Variants in AMD1 observed in about 807,000 individuals in gnomAD.
The protein encoded by AMD1 is S-adenosylmethionine decarboxylase proenzyme.
AMD1 carries 11 observed loss-of-function variants against 40.2 expected under a neutral mutation model. That is an observed-to-expected ratio of 0.27 (90% CI 0.17 to 0.45). AMD1 has a LOEUF of 0.45. Among genes scored for constraint, AMD1 ranks in the 20% least tolerant of loss-of-function variants. The probability of loss-of-function intolerance (pLI) is 1.00; values close to 1 mark genes in which losing one functional copy is unlikely to be tolerated. For synonymous variants in AMD1, 121 were observed against 130.8 expected, an observed-to-expected ratio of 0.93 and a Z score of 0.51; for missense variants, 257 against 410.2, an observed-to-expected ratio of 0.63 and a Z score of 3.23.
chr6:110,844,067 C>A, the AMD1 span, among the ~76,000 whole-genome samples: 1 of 151,998 alleles, frequency 6.6e-6, no homozygotes, highest in African/African-American at 2.4e-5. Context: ...TTTAAGGATT[C>A]ATTATCCTGC....
chr6:110,863,004 G>A, the AMD1 span, among the ~76,000 whole-genome samples: 1 of 151,776 alleles, frequency 6.6e-6, no homozygotes, highest in South Asian at 2.1e-4. Flanking sequence ...GAGTGCAGTG[G>A]CGTGATCTCG....
chr6:110,860,897 T>C, the AMD1 span, among the ~76,000 whole-genome samples: 1 of 150,870 alleles, frequency 6.6e-6, no homozygotes, highest in South Asian at 2.1e-4. Flanking sequence ...CACATTTTAC[T>C]TCTGATTTTT....
At chr6:110,858,471 C>T in the AMD1 span, 3 of 1,234,614 alleles carry the variant, frequency 2.4e-6, no homozygotes, top group Non-Finnish European at 3.6e-6. Flanking sequence ...ATCAACCGTT[C>T]CATGCAGAAC....
intron 3 of AMD1, chr6:110,890,013 A>AAGAG (rs143903348): frequency 5.3e-6 from 2 of 375,760 alleles, no homozygotes; most frequent in Admixed American, 4.5e-5. Flanking sequence ...TTTTAAAAAA[A>AAGAG]AGAGAGAGAG....
chr6:110,888,901 CAT>C lies in AMD1; in HGVS notation c.243_244del (p.Cys82TrpfsTer17), dbSNP rs1284211633. On this transcript the variant is annotated frameshift_variant, in exon 3 of 9. Coordinates refer to ENST00000368885, the MANE Select transcript of AMD1 (RefSeq NM_001634.6). LOFTEE classifies it high-confidence loss of function. Reference sequence around the variant, plus strand: ...TCCAAGAGACGTTTCATTTTGAAGACATGTGGTACCACCCTCTTGCTGAAAGC... The same window carrying C: ...TCCAAGAGACGTTTCATTTTGAAGACGTGGTACCACCCTCTTGCTGAAAGC... 1.9e-6 allele frequency: 3 copies of C among 1,613,220 alleles called. No individual in the cohort carries two copies. The highest frequency in any genetic ancestry group is 1.7e-5 in the Admixed American group (1 of 59,990).
At chr6:110,893,419 G>A in intron 8 of AMD1, 57 bp from the exon 9 acceptor site, 2 of 1,597,286 alleles carry the variant, frequency 1.3e-6, no homozygotes, top group Non-Finnish European at 8.5e-7. Context: ...AACTGTTTTG[G>A]TTGAAAATAC....
the AMD1 span, among the ~76,000 whole-genome samples, chr6:110,865,845 C>T: frequency 2.0e-5 from 3 of 152,190 alleles, no homozygotes; most frequent in East Asian, 1.9e-4. Context: ...TCACTGCAAC[C>T]TCTACCTCCT....
intron 1 of AMD1, among the ~76,000 whole-genome samples, chr6:110,886,335 A>G (rs892288877): frequency 1.6e-4 from 25 of 152,050 alleles, no homozygotes; most frequent in East Asian, 7.7e-4. Context: ...GTATTACTCT[A>G]TCGCCCAGCC....
the AMD1 span, among the ~76,000 whole-genome samples, chr6:110,852,466 C>T: frequency 6.6e-6 from 1 of 151,930 alleles, no homozygotes; most frequent in South Asian, 2.1e-4. Context: ...AGGATCCACC[C>T]ATCTCAGCCT....
At chr6:110,818,111 AG>A in the AMD1 span, among the ~76,000 whole-genome samples, 96 of 152,340 alleles carry the variant, frequency 6.3e-4, no homozygotes, top group African/African-American at 2.0e-3. Flanking sequence ...TATTTATGTC[AG>A]GGAGAGGTTT....
chr6:110,893,337 C>A (rs1326640905), intron 8 of AMD1, 139 bp from the exon 9 acceptor site: 2 of 1,207,426 alleles, frequency 1.7e-6, no homozygotes, highest in African/African-American at 3.1e-5. Flanking sequence ...TGCCCTGGCC[C>A]CTCCAGCACA....
chr6:110,832,468 T>C, the AMD1 span, among the ~76,000 whole-genome samples: 50 of 152,222 alleles, frequency 3.3e-4, no homozygotes, highest in Admixed American at 1.0e-3. Context: ...AATTCTTCAA[T>C]TGATGTCCCA....
At chr6:110,877,493 A>G (rs1032530156) in intron 1 of AMD1, among the ~76,000 whole-genome samples, 17 of 152,288 alleles carry the variant, frequency 1.1e-4, no homozygotes, top group Non-Finnish European at 2.4e-4. Flanking sequence ...ACCCCAGGGA[A>G]GGATAATCGG....
At chr6:110,845,036 AC>A in the AMD1 span, among the ~76,000 whole-genome samples, 1 of 133,036 alleles carries the variant, frequency 7.5e-6, no homozygotes, top group Non-Finnish European at 1.6e-5. Flanking sequence ...GGTGCCACAG[AC>A]CTTTTTTTTT....
chr6:110,838,397 C>A, the AMD1 span, among the ~76,000 whole-genome samples: 9 of 151,684 alleles, frequency 5.9e-5, no homozygotes, highest in South Asian at 2.1e-4. Flanking sequence ...AAAAAAAAAA[C>A]CAAAAGTTTT....
chr6:110,883,585 C>T (rs1320658831), intron 1 of AMD1, among the ~76,000 whole-genome samples: 1 of 152,082 alleles, frequency 6.6e-6, no homozygotes, highest in African/African-American at 2.4e-5. Context: ...AGAAGGGAAT[C>T]ATTTTTTGTT....
chr6:110,874,930 A>T lies in AMD1; in HGVS notation c.-176A>T. ...CTTTCGCTCACACAAAGCCGGGAAA[A>T]TTTTATTAGTCCTTTTTTTAAAAAA... On this transcript the variant is annotated 5_prime_UTR_variant, in exon 1 of 9. Transcript: ENST00000368885. 1 of 579,664 alleles carries T rather than the reference A, an allele frequency of 1.7e-6. No homozygotes were observed. Among genetic ancestry groups the T allele is most frequent in the East Asian group, 2.9e-5 (1 of 34,652 alleles). The allele number at this position is 579,664 out of a possible 1,614,324, so 35.9% of individuals were successfully genotyped here.
intron 4 of AMD1, chr6:110,890,685 T>TAGTAAAGACAAG (rs1476995428): frequency 5.9e-6 from 1 of 169,244 alleles, no homozygotes; most frequent in Non-Finnish European, 1.3e-5. Context: ...GACAAGGTTT[T>TAGTAAAGACAAG]GCCATATTGC....
chr6:110,859,051 C>T, the AMD1 span: 3 of 1,246,600 alleles, frequency 2.4e-6, no homozygotes, highest in Non-Finnish European at 3.5e-6. Flanking sequence ...AAGTTCTGCC[C>T]AGAAGGCACA....
Sources: gnomAD v4.1 joint callset for allele counts (sites outside exome capture counted in the v4.1 genomes callset) on GRCh38, gnomAD v4.1.1 for gene constraint, MANE v1.5 for transcripts, NCBI Gene and HGNC (gene_info 2026-07-23, HGNC 2026-07-21) for gene names.